KHDRBS2: variants seen among roughly 807,000 people sequenced by gnomAD.
KHDRBS2 encodes KH domain-containing, RNA-binding, signal transduction-associated protein 2.
In KHDRBS2, 26 loss-of-function variants were observed where a neutral mutation model predicts 44.3. The ratio of observed to expected loss-of-function variants is 0.59; its 90% confidence interval spans 0.43 to 0.81. KHDRBS2 has a LOEUF of 0.81. KHDRBS2 is among the 40% of genes least tolerant of loss of function. The probability of loss-of-function intolerance (pLI) is 0.00; values close to 1 mark genes in which losing one functional copy is unlikely to be tolerated. For missense variants in KHDRBS2, 476 were observed against 433.1 expected (o/e 1.10, Z -0.88); for synonymous variants, 194 against 151.1 (o/e 1.28, Z -2.08).
intron 2 of KHDRBS2, among the ~76,000 whole-genome samples, chr6:62,129,999 C>A (rs377122102): frequency 6.6e-6 from 1 of 152,098 alleles, no homozygotes; most frequent in Non-Finnish European, 1.5e-5. Flanking sequence ...CTACTGGACA[C>A]GTATTTGTGC....
intron 2 of KHDRBS2, among the ~76,000 whole-genome samples, chr6:62,068,338 G>A (rs190512364): frequency 1.3e-5 from 2 of 151,468 alleles, no homozygotes; most frequent in Admixed American, 6.6e-5. Context: ...AAATGTCTAT[G>A]CAGATTATAT....
intron 2 of KHDRBS2, among the ~76,000 whole-genome samples, chr6:62,146,135 C>T (rs1813883361): frequency 6.6e-6 from 1 of 151,876 alleles, no homozygotes; most frequent in African/African-American, 2.4e-5. Flanking sequence ...TTACATACAT[C>T]TCCCCTTGAG....
At chr6:61,837,566 A>G (rs987019396) in intron 6 of KHDRBS2, among the ~76,000 whole-genome samples, 15 of 152,050 alleles carry the variant, frequency 9.9e-5, no homozygotes, top group Non-Finnish European at 2.1e-4. Context: ...CTCTAATGTC[A>G]TAATTATGGG....
intron 2 of KHDRBS2, among the ~76,000 whole-genome samples, chr6:62,151,175 T>A (rs1815100207): frequency 6.6e-6 from 1 of 152,204 alleles, no homozygotes; most frequent in Non-Finnish European, 1.5e-5. Context: ...AGATATTTAA[T>A]GAATTTCCCT....
chr6:61,861,815 T>G (rs1797022833), intron 6 of KHDRBS2, among the ~76,000 whole-genome samples: 1 of 152,168 alleles, frequency 6.6e-6, no homozygotes. Context: ...GTATAATCAT[T>G]TTCACGATAG....
chr6:61,577,549 G>A, the KHDRBS2 span, among the ~76,000 whole-genome samples: 18 of 152,026 alleles, frequency 1.2e-4, no homozygotes, highest in Non-Finnish European at 2.2e-4. Context: ...GACTTTGAAC[G>A]TTTATATAGG....
intron 3 of KHDRBS2, among the ~76,000 whole-genome samples, chr6:62,039,546 A>G (rs748087020): frequency 2.6e-5 from 4 of 152,054 alleles, no homozygotes; most frequent in Non-Finnish European, 5.9e-5. Flanking sequence ...GTTAAAATAA[A>G]TAATGTAATG....
chr6:61,926,806 G>A (rs1435064199), intron 4 of KHDRBS2, among the ~76,000 whole-genome samples: 1 of 138,336 alleles, frequency 7.2e-6, no homozygotes, highest in East Asian at 2.2e-4. Flanking sequence ...TAGTAGAGCA[G>A]AGGATATCAC....
chr6:62,275,179 T>C (rs184270506), intron 1 of KHDRBS2, among the ~76,000 whole-genome samples: 5 of 152,290 alleles, frequency 3.3e-5, no homozygotes, highest in Admixed American at 2.0e-4. Context: ...TATGTAGAGA[T>C]GACACAATAT....
At chr6:61,999,830 C>T (rs1442888065) in intron 3 of KHDRBS2, among the ~76,000 whole-genome samples, 1 of 151,914 alleles carries the variant, frequency 6.6e-6, no homozygotes, top group African/African-American at 2.4e-5. Flanking sequence ...TGATAAAAAA[C>T]ATTGTATTAA....
the KHDRBS2 span, among the ~76,000 whole-genome samples, chr6:61,549,745 T>C: frequency 1.3e-5 from 2 of 152,178 alleles, no homozygotes; most frequent in African/African-American, 4.8e-5. Flanking sequence ...TTTCAGATGA[T>C]TATGAATATA....
intron 2 of KHDRBS2, among the ~76,000 whole-genome samples, chr6:62,083,721 C>A (rs972087039): frequency 1.8e-4 from 28 of 152,284 alleles, no homozygotes; most frequent in African/African-American, 6.3e-4. Flanking sequence ...AATGAGCTAA[C>A]TCCTTTGCAA....
chr6:61,900,536 C>G (rs1413429322), intron 5 of KHDRBS2, among the ~76,000 whole-genome samples: 1 of 152,052 alleles, frequency 6.6e-6, no homozygotes, highest in Non-Finnish European at 1.5e-5. Flanking sequence ...ATTCAGAATC[C>G]TGCAAAACAA....
chr6:61,839,389 A>T (rs565026771), intron 6 of KHDRBS2, among the ~76,000 whole-genome samples: 3 of 152,088 alleles, frequency 2.0e-5, no homozygotes, highest in Admixed American at 1.3e-4. Context: ...CAAGTAATAG[A>T]TATTTGTAAC....
At chr6:61,553,297 T>C in the KHDRBS2 span, among the ~76,000 whole-genome samples, 1 of 152,146 alleles carries the variant, frequency 6.6e-6, no homozygotes, top group East Asian at 1.9e-4. Flanking sequence ...TATAGAGGTA[T>C]TTGTAGTAGT....
chr6:62,218,703 A>G (rs1371650730), intron 1 of KHDRBS2, among the ~76,000 whole-genome samples: 1 of 151,906 alleles, frequency 6.6e-6, no homozygotes, highest in African/African-American at 2.4e-5. Context: ...CATTTTATCA[A>G]AATAAGTATC....
chr6:61,924,876 T>C (rs187818256), intron 4 of KHDRBS2, among the ~76,000 whole-genome samples: 1 of 152,266 alleles, frequency 6.6e-6, no homozygotes. Context: ...AAGCTAACAC[T>C]TGTAACTTCA....
intron 6 of KHDRBS2, among the ~76,000 whole-genome samples, chr6:61,796,938 A>T (rs1309758490): frequency 1.3e-5 from 2 of 152,124 alleles, no homozygotes; most frequent in African/African-American, 4.8e-5. Flanking sequence ...TGAATTTCCA[A>T]GTTATCTGTA....
chr6:62,028,168 GA>G (rs1238471353), intron 3 of KHDRBS2, among the ~76,000 whole-genome samples: 3 of 152,126 alleles, frequency 2.0e-5, no homozygotes, highest in African/African-American at 4.8e-5. Context: ...CTGGTACTGG[GA>G]AAAAACTCCA....
Sources: gnomAD v4.1 joint callset for allele counts (sites outside exome capture counted in the v4.1 genomes callset) on GRCh38, gnomAD v4.1.1 for gene constraint, MANE v1.5 for transcripts, NCBI Gene and HGNC (gene_info 2026-07-23, HGNC 2026-07-21) for gene names.